SLC9A8: variants seen among roughly 807,000 people sequenced by gnomAD.
SLC9A8 encodes the protein solute carrier family 9 member A8.
A neutral mutation model predicts 66.6 loss-of-function variants in SLC9A8; 48 were observed. The observed-to-expected ratio is 0.72, with a 90% CI of 0.57 to 0.92. SLC9A8 has a LOEUF of 0.92. SLC9A8 is among the 40% of genes least tolerant of loss of function. The pLI is 0.00. For missense variants in SLC9A8, 599 were observed against 747.3 expected (o/e 0.80, Z 2.31); for synonymous variants, 274 against 282.6 (o/e 0.97, Z 0.31).
intron 3 of SLC9A8, chr20:49,831,012 A>G (rs1444843316): frequency 5.9e-5 from 44 of 743,254 alleles, no homozygotes; most frequent in South Asian, 4.8e-4. Context: ...GCAGCCAACC[A>G]GGTGTACAAA....
At chr20:49,818,987 T>A (rs1165017655) in intron 2 of SLC9A8, among the ~76,000 whole-genome samples, 1 of 152,226 alleles carries the variant, frequency 6.6e-6, no homozygotes, top group Non-Finnish European at 1.5e-5. Context: ...AACTTTTGTG[T>A]CCTGTAAGCA....
chr20:49,886,676 G>A lies in SLC9A8; in HGVS notation c.1492-76G>A. On this transcript the variant is annotated intron_variant, in intron 14 of 15. Coordinates refer to ENST00000361573, the MANE Select transcript of SLC9A8 (RefSeq NM_015266.3). This position sits in a 1 kb window ranked among gnomAD's most constrained non-coding sequence, Gnocchi z 4.8. ...GGTTGGGGACACTGGCGGCCTGGGT[G>A]GTGTGGGGGCTTCCAGGAGGTGCCC... is the stretch of plus-strand genomic sequence containing the variant. 6.5e-7 allele frequency: 1 copy of A among 1,537,552 alleles called. No individual in the cohort carries two copies. The highest frequency in any genetic ancestry group is 1.9e-5 in the Admixed American group (1 of 53,848).
At chr20:49,822,743 T>C (rs1269976832) in intron 2 of SLC9A8, among the ~76,000 whole-genome samples, 2 of 152,218 alleles carry the variant, frequency 1.3e-5, no homozygotes, top group East Asian at 1.9e-4. Flanking sequence ...CCCTAGATCA[T>C]ACCACTGCAC....
intron 8 of SLC9A8, among the ~76,000 whole-genome samples, chr20:49,856,206 G>C (rs2088474563): frequency 2.6e-5 from 4 of 152,168 alleles, no homozygotes; most frequent in Non-Finnish European, 1.5e-5. Context: ...CAGAGCTTCT[G>C]ATTCATTTGG....
chr20:49,830,959 T>C, intron 3 of SLC9A8: 1 of 788,190 alleles, frequency 1.3e-6, no homozygotes, highest in East Asian at 2.5e-5. Flanking sequence ...GCTTAGCCAT[T>C]GCGCTGGGCA....
chr20:49,819,583 A>G (rs1003912815), intron 2 of SLC9A8, among the ~76,000 whole-genome samples: 5 of 151,982 alleles, frequency 3.3e-5, no homozygotes, highest in Non-Finnish European at 7.4e-5. Context: ...TAACCACTTT[A>G]AAATGTACAG....
rs199598441 is a variant in SLC9A8, at chr20:49,855,495, C to G, written c.627C>G (p.Phe209Leu). Residue 209 changes from phenylalanine to leucine, a missense_variant, in exon 8 of 16, where the codon TTC (phenylalanine) becomes TTG (leucine). Transcript: ENST00000361573. ...ATCCAGTGGCCACTATTGCCATTTT[C>G]AATGCACTTCATGTGGACCCCGTGC... ...AVDPVATIAI[F>L]NALHVDPVLN... 6.2e-7 allele frequency: 1 copy of G among 1,614,184 alleles called. No individual in the cohort carries two copies. Among genetic ancestry groups the G allele is most frequent in the Non-Finnish European group, 8.5e-7 (1 of 1,180,016 alleles).
chr20:49,845,834 T>G (rs537434318), intron 5 of SLC9A8, among the ~76,000 whole-genome samples: 293 of 152,274 alleles, frequency 1.9e-3, no homozygotes, highest in African/African-American at 3.7e-3. Flanking sequence ...GATGTTTTTT[T>G]TTTTGTTTTG....
intron 6 of SLC9A8, 24 bp downstream of exon 6, chr20:49,849,704 C>A: frequency 6.5e-7 from 1 of 1,535,520 alleles, no homozygotes; most frequent in Non-Finnish European, 9.0e-7. Context: ...CTTTGAAACA[C>A]TTTGAAAGTC....
At chr20:49,856,643 G>A (rs1315157129) in intron 8 of SLC9A8, among the ~76,000 whole-genome samples, 1 of 152,110 alleles carries the variant, frequency 6.6e-6, no homozygotes, top group East Asian at 1.9e-4. Context: ...CCAACATGGT[G>A]AAACCCTGTC....
chr20:49,819,748 T>C (rs529054273), intron 2 of SLC9A8, among the ~76,000 whole-genome samples: 1 of 127,544 alleles, frequency 7.8e-6, no homozygotes, highest in African/African-American at 2.6e-5. Context: ...GCTTTCTGTC[T>C]CTAGGAATTT....
intron 3 of SLC9A8, chr20:49,830,431 C>T (rs964551967): frequency 5.5e-5 from 46 of 833,412 alleles, no homozygotes; most frequent in Non-Finnish European, 5.2e-5. Flanking sequence ...GATCCCAAGG[C>T]GGCCAAGGAC....
In SLC9A8 at chr20:49,886,892, G is replaced by A. The variant is rs756084505; in HGVS notation, c.1632G>A (p.Thr544=). Reference sequence around the variant, plus strand: ...ACCCCTTCTTCACTCGGAGGCTGACGCAGGAGGTGGGATACCGGCCAGGCC... The same window carrying A: ...ACCCCTTCTTCACTCGGAGGCTGACACAGGAGGTGGGATACCGGCCAGGCC... ...YLNPFFTRRL[T]QEDLHHGRIQ... The change falls in exon 15 of 16, where the codon ACG becomes ACA. Residue 544 remains threonine, a synonymous_variant. Transcript: ENST00000361573. This position sits in a 1 kb window ranked among gnomAD's most constrained non-coding sequence, Gnocchi z 4.8. 6.2e-6 allele frequency: 10 copies of A among 1,613,576 alleles called. No individual in the cohort carries two copies. Among genetic ancestry groups the A allele is most frequent in the East Asian group, 4.5e-5 (2 of 44,880 alleles).
At chr20:49,887,803 C>A (rs534662037) in intron 15 of SLC9A8, 26 bp from the exon 16 acceptor site, 5 of 1,551,066 alleles carry the variant, frequency 3.2e-6, no homozygotes, top group East Asian at 4.6e-5. Flanking sequence ...GACGCCCTGA[C>A]GGCTTGGTTG....
chr20:49,868,417 G>A (rs1445119877), intron 10 of SLC9A8, among the ~76,000 whole-genome samples: 1 of 152,200 alleles, frequency 6.6e-6, no homozygotes, highest in Non-Finnish European at 1.5e-5. Flanking sequence ...GCCCTGTGTG[G>A]TGTGTGGACG....
At chr20:49,817,452 C>G (rs897025753) in intron 2 of SLC9A8, among the ~76,000 whole-genome samples, 4 of 147,558 alleles carry the variant, frequency 2.7e-5, no homozygotes, top group Non-Finnish European at 6.0e-5. Flanking sequence ...AAAGGTGCAA[C>G]TGTTTTTTTT....
At chr20:49,832,998 C>T (rs1320409119) in intron 3 of SLC9A8, among the ~76,000 whole-genome samples, 3 of 152,024 alleles carry the variant, frequency 2.0e-5, no homozygotes, top group Non-Finnish European at 4.4e-5. Context: ...CTTCCCCTCC[C>T]GGGTCCAAGC....
At chr20:49,887,758 C>T (rs1272772927) in intron 15 of SLC9A8, 71 bp from the exon 16 acceptor site, 11 of 1,222,782 alleles carry the variant, frequency 9.0e-6, no homozygotes, top group South Asian at 5.7e-5. Context: ...ACAAAACACC[C>T]AGTAGCATCC....
intron 2 of SLC9A8, among the ~76,000 whole-genome samples, chr20:49,817,511 G>A (rs902347186): frequency 1.4e-4 from 20 of 147,986 alleles, no homozygotes; most frequent in African/African-American, 4.7e-4. Flanking sequence ...TTAAGGAAAA[G>A]TATAACTTCT....
Sources: allele counts gnomAD v4.1 joint callset (sites outside exome capture counted in the v4.1 genomes callset), GRCh38; gene constraint gnomAD v4.1.1; non-coding constraint Gnocchi (gnomAD v3.1); transcripts MANE v1.5; gene names NCBI Gene and HGNC (gene_info 2026-07-23, HGNC 2026-07-21).